The following PSPC1 variants were observed in gnomAD, a reference collection of about 807,000 sequenced individuals.
The protein encoded by PSPC1 is paraspeckle component 1, also known as paraspeckle protein 1.
In PSPC1, 14 loss-of-function variants were observed where a neutral mutation model predicts 51.6. The observed-to-expected ratio is 0.27, with a 90% confidence interval of 0.18 to 0.42. The LOEUF (loss-of-function observed/expected upper bound fraction) is 0.42. Ranked by LOEUF, PSPC1 falls within the 10% of genes least tolerant of loss-of-function variation. PSPC1 has a pLI of 1.00. For synonymous variants in PSPC1, 193 were observed against 231.9 expected, an observed-to-expected ratio of 0.83 and a Z score of 1.53; for missense variants, 406 against 701.1, an observed-to-expected ratio of 0.58 and a Z score of 4.75.
intron 8 of PSPC1, among the ~76,000 whole-genome samples, chr13:19,704,759 C>G (rs1364634671): frequency 6.6e-6 from 1 of 152,014 alleles, no homozygotes; most frequent in East Asian, 1.9e-4. Context: ...AACTGAAAAA[C>G]CTTGTTTTCA....
intron 6 of PSPC1, among the ~76,000 whole-genome samples, chr13:19,712,296 C>T (rs1191659159): frequency 6.6e-6 from 1 of 152,186 alleles, no homozygotes; most frequent in East Asian, 1.9e-4. Context: ...TGTTTACAGT[C>T]TCACTGCTTG....
chr13:19,736,494 T>C lies in PSPC1; in HGVS notation c.1052+5071A>G, dbSNP rs777898941. On this transcript the variant is annotated intron_variant, in intron 5 of 8. Coordinates refer to ENST00000338910, the MANE Select transcript of PSPC1 (RefSeq NM_001354909.2). Reference sequence around the variant, plus strand: ...GTCAGCAGATCGAGACCATCCTGGCTAACACAGTGAAACCCCATCTCTACT... The same window carrying C: ...GTCAGCAGATCGAGACCATCCTGGCCAACACAGTGAAACCCCATCTCTACT... Among the ~76,000 whole-genome samples the C allele has an allele frequency of 6.4e-4, 97 of 151,942 alleles. 1 individual carries two copies. Among genetic ancestry groups the C allele is most frequent in the Non-Finnish European group, 7.4e-4 (50 of 67,952 alleles).
chr13:19,746,005 TTTTG>T (rs1323333988), intron 4 of PSPC1, among the ~76,000 whole-genome samples: 1 of 150,742 alleles, frequency 6.6e-6, no homozygotes, highest in Non-Finnish European at 1.5e-5. Context: ...TTGTTTTGTT[TTTTG>T]TTTTTTTTTT....
chr13:19,698,310 A>G (rs1879487073), downstream of PSPC1, among the ~76,000 whole-genome samples: 1 of 151,964 alleles, frequency 6.6e-6, no homozygotes, highest in Non-Finnish European at 1.5e-5. Flanking sequence ...TAAAAATAAA[A>G]ATTAAGATAA....
intron 6 of PSPC1, among the ~76,000 whole-genome samples, chr13:19,692,685 AAC>A (rs1264696172): frequency 1.3e-5 from 2 of 152,096 alleles, no homozygotes; most frequent in East Asian, 1.9e-4. Context: ...ATCGACCCTG[AAC>A]ACACTTACCT....
At chr13:19,779,778 T>C (rs1287384084) in intron 1 of PSPC1, among the ~76,000 whole-genome samples, 1 of 37,852 alleles carries the variant, frequency 2.6e-5, no homozygotes, top group Non-Finnish European at 5.2e-5. Context: ...GTCTGGGAGG[T>C]GAGGGGCGCC....
chr13:19,691,805 C>A (rs1449803727), intron 6 of PSPC1, among the ~76,000 whole-genome samples: 2 of 152,096 alleles, frequency 1.3e-5, no homozygotes, highest in Admixed American at 1.3e-4. Flanking sequence ...GTAGTTCCAG[C>A]TTCTCAGAAG....
intron 2 of PSPC1, among the ~76,000 whole-genome samples, chr13:19,764,116 A>G (rs1887836979): frequency 6.6e-6 from 1 of 152,202 alleles, no homozygotes; most frequent in East Asian, 1.9e-4. Context: ...TTTACAAAAA[A>G]ACTTGAAAAA....
At chr13:19,725,054 G>A (rs1316047802) in intron 6 of PSPC1, among the ~76,000 whole-genome samples, 5 of 152,064 alleles carry the variant, frequency 3.3e-5, no homozygotes. Flanking sequence ...GCGCGTGCCT[G>A]TAATCCCAGA....
chr13:19,743,982 C>A (rs1402247686), intron 4 of PSPC1, among the ~76,000 whole-genome samples: 3 of 152,044 alleles, frequency 2.0e-5, no homozygotes, highest in Admixed American at 6.6e-5. Flanking sequence ...GTGGCGCATG[C>A]CTGTAATCAG....
chr13:19,711,332 A>G (rs1461497883), intron 6 of PSPC1, among the ~76,000 whole-genome samples: 7 of 151,892 alleles, frequency 4.6e-5, no homozygotes, highest in African/African-American at 1.2e-4. Context: ...CCAGCCTGGC[A>G]AACATGGTGA....
At chr13:19,768,101 T>C (rs1246167265) in intron 2 of PSPC1, among the ~76,000 whole-genome samples, 4 of 151,870 alleles carry the variant, frequency 2.6e-5, no homozygotes, top group Admixed American at 2.6e-4. Flanking sequence ...GGCACATGCC[T>C]GTAGTCCTAG....
chr13:19,678,887 G>T (rs1250959733), intron 6 of PSPC1: 1 of 152,232 alleles, frequency 6.6e-6, no homozygotes, highest in African/African-American at 2.4e-5. Context: ...CTCCCAGGTA[G>T]CTGAGACTAC....
At chr13:19,689,347 A>G (rs1415566257) in intron 6 of PSPC1, among the ~76,000 whole-genome samples, 2 of 152,242 alleles carry the variant, frequency 1.3e-5, no homozygotes, top group Non-Finnish European at 2.9e-5. Flanking sequence ...GAAAACACAC[A>G]TGAAAATTTT....
intron 3 of PSPC1, among the ~76,000 whole-genome samples, chr13:19,752,142 C>G (rs907056583): frequency 6.6e-6 from 1 of 152,152 alleles, no homozygotes; most frequent in Non-Finnish European, 1.5e-5. Flanking sequence ...TCTAGTAAAA[C>G]CAGCTAGATT....
chr13:19,692,470 G>C (rs964379759), intron 6 of PSPC1, among the ~76,000 whole-genome samples: 4 of 152,142 alleles, frequency 2.6e-5, no homozygotes, highest in Non-Finnish European at 5.9e-5. Flanking sequence ...AAGAGCAAAA[G>C]TAAAAACAGG....
chr13:19,749,113 G>A (rs1388936084), intron 4 of PSPC1, among the ~76,000 whole-genome samples: 1 of 152,066 alleles, frequency 6.6e-6, no homozygotes, highest in East Asian at 1.9e-4. Flanking sequence ...TTGGGAGGCC[G>A]AGGCGGGCGG....
intron 3 of PSPC1, among the ~76,000 whole-genome samples, chr13:19,758,781 G>A (rs187272568): frequency 2.0e-5 from 3 of 151,790 alleles, no homozygotes; most frequent in African/African-American, 7.2e-5. Flanking sequence ...GTTGCAGTGA[G>A]CCGAGTTCAC....
At chr13:19,730,584 T>A (rs1883929626) in intron 5 of PSPC1, among the ~76,000 whole-genome samples, 1 of 152,074 alleles carries the variant, frequency 6.6e-6, no homozygotes, top group African/African-American at 2.4e-5. Flanking sequence ...AGTAAAATCA[T>A]AACTAGGATA....
Sources: gnomAD v4.1 joint callset for allele counts (sites outside exome capture counted in the v4.1 genomes callset) on GRCh38, gnomAD v4.1.1 for gene constraint, MANE v1.5 for transcripts, NCBI Gene and HGNC (gene_info 2026-07-23, HGNC 2026-07-21) for gene names.